The following PGM1 variants were observed in gnomAD, a reference collection of about 807,000 sequenced individuals.
The protein encoded by PGM1 is phosphoglucomutase-1.
PGM1 carries 52 observed loss-of-function variants against 55.6 expected under a neutral mutation model. The ratio of observed to expected loss-of-function variants is 0.94; its 90% CI spans 0.75 to 1.18. The LOEUF is 1.18. Ranked by LOEUF, PGM1 falls within the 50% of genes most tolerant of loss-of-function variation. The pLI is 0.00. For missense variants in PGM1, 724 were observed against 729.3 expected (o/e 0.99, Z 0.08); for synonymous variants, 287 against 271.7 (o/e 1.06, Z -0.55).
At chr1:63,628,692 C>G (rs1363447513) in intron 1 of PGM1, among the ~76,000 whole-genome samples, 1 of 152,078 alleles carries the variant, frequency 6.6e-6, no homozygotes, top group African/African-American at 2.4e-5. Context: ...GATTTAGGAG[C>G]AGTACTGATA....
chr1:63,639,286 G>A (rs1165128040), intron 7 of PGM1, among the ~76,000 whole-genome samples: 1 of 152,128 alleles, frequency 6.6e-6, no homozygotes, highest in Non-Finnish European at 1.5e-5. Flanking sequence ...GACCATGAGG[G>A]TGGAACTAAG....
chr1:63,603,902 C>T (rs761258886), intron 1 of PGM1, among the ~76,000 whole-genome samples: 1 of 152,146 alleles, frequency 6.6e-6, no homozygotes, highest in Non-Finnish European at 1.5e-5. Flanking sequence ...CTTTGTCTCC[C>T]TGGAAGTTCT....
chr1:63,611,136 T>C (rs890877409), intron 1 of PGM1, among the ~76,000 whole-genome samples: 4 of 152,142 alleles, frequency 2.6e-5, no homozygotes. Context: ...CAAGTGGGCA[T>C]TGCAATATAG....
At chr1:63,627,076 CA>C in intron 1 of PGM1, among the ~76,000 whole-genome samples, 1 of 138,614 alleles carries the variant, frequency 7.2e-6, no homozygotes. Flanking sequence ...CACACACACA[CA>C]CACTTTTAAG....
intron 6 of PGM1, 83 bp from the exon 7 acceptor site, chr1:63,638,602 A>G (rs1649424185): frequency 3.4e-6 from 3 of 877,198 alleles, no homozygotes; most frequent in Non-Finnish European, 5.9e-6. Context: ...CCTTGATTAC[A>G]ATAACGATTG....
chr1:63,658,616 G>A (rs11801921), intron 10 of PGM1, among the ~76,000 whole-genome samples: 13,329 of 152,066 alleles, frequency 0.088, 747 homozygotes, highest in African/African-American at 0.15. Flanking sequence ...GCCGGGCGTG[G>A]TGGCGCATGC....
In PGM1 at chr1:63,641,636, A is replaced by G. The variant is rs181909972; in HGVS notation, c.1144+2836A>G. ...CTCAAAAACGTTTCCTTGACCTTTC[A>G]GAGTGGGCCAAATCCCCTGATTATT... On this transcript the variant is annotated intron_variant, in intron 7 of 10. Transcript: ENST00000371084. Among the ~76,000 whole-genome samples the G allele has an allele frequency of 4.8e-3, 734 of 152,296 alleles. 6 individuals are homozygous for G. The highest frequency in any genetic ancestry group is 5.5e-3 in the Non-Finnish European group (374 of 68,016).
intron 2 of PGM1, 46 bp downstream of exon 2, chr1:63,629,633 G>C (rs1175979568): frequency 6.4e-7 from 1 of 1,573,930 alleles, no homozygotes; most frequent in South Asian, 1.1e-5. Context: ...ACATTCAGTA[G>C]GACAAATCAA....
At chr1:63,652,539 G>T (rs1035262897) in intron 9 of PGM1, among the ~76,000 whole-genome samples, 4 of 148,692 alleles carry the variant, frequency 2.7e-5, no homozygotes, top group Non-Finnish European at 5.9e-5. Flanking sequence ...GAACACTTAC[G>T]CACCAGGGTT....
At chr1:63,600,183 G>A (rs1648198713) in intron 1 of PGM1, 1 of 152,228 alleles carries the variant, frequency 6.6e-6, no homozygotes, top group Admixed American at 6.5e-5. Context: ...CGGACACTTA[G>A]TCACTAAACA....
At chr1:63,613,741 G>A (rs934053510) in intron 1 of PGM1, among the ~76,000 whole-genome samples, 4 of 145,352 alleles carry the variant, frequency 2.8e-5, no homozygotes, top group African/African-American at 7.8e-5. Context: ...CGGGAGTAGT[G>A]CACCATTCAA....
At chr1:63,605,859 A>C (rs1648403961) in intron 1 of PGM1, among the ~76,000 whole-genome samples, 1 of 152,198 alleles carries the variant, frequency 6.6e-6, no homozygotes, top group Non-Finnish European at 1.5e-5. Context: ...GGTGTGAGCC[A>C]CCGCACCTAG....
chr1:63,657,479 T>A (rs1265148356), intron 10 of PGM1, among the ~76,000 whole-genome samples: 1 of 152,248 alleles, frequency 6.6e-6, no homozygotes, highest in African/African-American at 2.4e-5. Context: ...TTAGTTTTTT[T>A]AGTCTAACTT....
At chr1:63,606,210 C>A (rs1346815005) in intron 1 of PGM1, among the ~76,000 whole-genome samples, 1 of 152,196 alleles carries the variant, frequency 6.6e-6, no homozygotes, top group Non-Finnish European at 1.5e-5. Flanking sequence ...GCCTTCCATG[C>A]TATCAGAGGC....
At position 63,629,587 on chromosome 1, in the gene PGM1, G is replaced by A. The variant is rs1306739280; in HGVS notation, c.409G>A (p.Gly137Ser). 1.2e-6 allele frequency: 2 copies of A among 1,613,548 alleles called. No individual in the cohort carries two copies. Reference protein sequence around the residue: ...FGIKFNISNGGPAPEAITDKI... With the variant: ...FGIKFNISNGSPAPEAITDKI... ...AATCAAATTCAATATTTCTAATGGA[G>A]GTGAGTTTGCTGTCATTTTGAGGAC... Residue 137 changes from glycine to serine, a missense_variant and splice_region_variant, in exon 2 of 11, where the codon GGT becomes AGT. By Grantham distance (56) the Gly-to-Ser change is moderately conservative. Transcript: ENST00000371084.
At chr1:63,638,655 T>C in intron 6 of PGM1, 30 bp from the exon 7 acceptor site, 2 of 1,436,522 alleles carry the variant, frequency 1.4e-6, no homozygotes, top group Non-Finnish European at 2.0e-6. Flanking sequence ...AGTCCTGCTG[T>C]GATGTAACTT....
intron 8 of PGM1, among the ~76,000 whole-genome samples, chr1:63,649,988 G>A (rs1256507124): frequency 6.6e-6 from 1 of 152,214 alleles, no homozygotes; most frequent in Non-Finnish European, 1.5e-5. Context: ...AATAGCCAGA[G>A]TAGAATAAGG....
intron 7 of PGM1, among the ~76,000 whole-genome samples, chr1:63,642,252 AACATTATACATTAGTCTGTTTGTAT>A (rs966649323): frequency 1.3e-5 from 2 of 152,238 alleles, no homozygotes; most frequent in African/African-American, 4.8e-5. Flanking sequence ...GAATATTACT[AACATTATACATTAGTCTGTTTGTAT>A]ACATTATACA....
At chr1:63,611,571 A>C (rs766065365) in intron 1 of PGM1, among the ~76,000 whole-genome samples, 12 of 152,068 alleles carry the variant, frequency 7.9e-5, no homozygotes, top group Non-Finnish European at 1.8e-4. Flanking sequence ...TATGGCCCTG[A>C]GGGAAGGGAG....
Sources: allele counts gnomAD v4.1 joint callset (sites outside exome capture counted in the v4.1 genomes callset), GRCh38; gene constraint gnomAD v4.1.1; transcripts MANE v1.5; gene names NCBI Gene and HGNC (gene_info 2026-07-23, HGNC 2026-07-21).